TMEM135: variants seen among roughly 807,000 people sequenced by gnomAD.
The protein encoded by TMEM135 is transmembrane protein 135.
In TMEM135, 30 loss-of-function variants were observed where a neutral mutation model predicts 60.3. That is an observed-to-expected ratio of 0.50 (90% CI 0.37 to 0.68). The LOEUF (loss-of-function observed/expected upper bound fraction) is 0.68. Ranked by LOEUF, TMEM135 falls within the 30% of genes least tolerant of loss-of-function variation. The probability of loss-of-function intolerance (pLI) is 0.00; values close to 1 mark genes in which losing one functional copy is unlikely to be tolerated. For missense variants in TMEM135, 468 were observed against 548.8 expected (o/e 0.85, Z 1.47); for synonymous variants, 190 against 186.7 (o/e 1.02, Z -0.14).
Position 87,326,102 on chromosome 11 carries a change from A to C in TMEM135, c.*4769A>C. 2.2e-6 allele frequency: 1 copy of C among 447,668 alleles called. No homozygotes were observed. The highest frequency in any genetic ancestry group is 4.4e-6 in the Non-Finnish European group (1 of 224,956). The allele number at this position is 447,668 out of a possible 1,614,324, so 27.7% of individuals were successfully genotyped here. A position where few individuals can be genotyped will look rare whatever the true frequency, so the allele number is the denominator to read the frequency against. On this transcript the variant is annotated 3_prime_UTR_variant, in exon 15 of 15. Coordinates refer to ENST00000305494, the MANE Select transcript of TMEM135 (RefSeq NM_022918.4). Reference sequence around the variant, plus strand: ...TGCCTGTTCAGTTTTTTTTTTTTTTAATATTCAGTTTTGTGCCATACTCTC... The same window carrying C: ...TGCCTGTTCAGTTTTTTTTTTTTTTCATATTCAGTTTTGTGCCATACTCTC...
At chr11:87,240,369 T>C (rs1941103190) in intron 6 of TMEM135, among the ~76,000 whole-genome samples, 1 of 151,978 alleles carries the variant, frequency 6.6e-6, no homozygotes, top group Admixed American at 6.6e-5. Context: ...TTCTATCGAT[T>C]TTGGCCAAGC....
intron 5 of TMEM135, among the ~76,000 whole-genome samples, chr11:87,192,395 G>A (rs1170260314): frequency 6.6e-6 from 1 of 151,810 alleles, no homozygotes; most frequent in African/African-American, 2.4e-5. Flanking sequence ...TCAGAAGATT[G>A]TTTCTTTTTT....
intron 4 of TMEM135, among the ~76,000 whole-genome samples, chr11:87,131,751 G>C (rs185909357): frequency 1.3e-3 from 196 of 152,226 alleles, no homozygotes; most frequent in African/African-American, 4.5e-3. Flanking sequence ...CCTCATAGGG[G>C]AGGGGTCCCC....
chr11:87,302,220 A>G (rs565790919), intron 7 of TMEM135, 76 bp from the exon 8 acceptor site: 2 of 1,483,148 alleles, frequency 1.3e-6, no homozygotes, highest in African/African-American at 1.4e-5. Context: ...GTATTTGTTT[A>G]TAAACAAAGT....
chr11:87,206,402 G>C (rs1940234591), intron 5 of TMEM135, among the ~76,000 whole-genome samples: 2 of 152,082 alleles, frequency 1.3e-5, no homozygotes, highest in African/African-American at 4.8e-5. Context: ...GAAGGCAAAT[G>C]ATGGTACATG....
At chr11:87,202,446 C>G (rs902307334) in intron 5 of TMEM135, among the ~76,000 whole-genome samples, 2 of 152,156 alleles carry the variant, frequency 1.3e-5, no homozygotes, top group Non-Finnish European at 2.9e-5. Context: ...CCACCTCAGC[C>G]TCCTGAACAG....
intron 11 of TMEM135, 62 bp downstream of exon 11, chr11:87,313,550 A>ATGGT (rs1942677440): frequency 7.4e-6 from 10 of 1,356,228 alleles, no homozygotes; most frequent in Non-Finnish European, 1.1e-5. Context: ...AATGAATTGG[A>ATGGT]AATACCATCC....
At chr11:87,089,069 G>T (rs978546459) in intron 3 of TMEM135, among the ~76,000 whole-genome samples, 1 of 152,044 alleles carries the variant, frequency 6.6e-6, no homozygotes, top group Admixed American at 6.5e-5. Context: ...CCAAGTATAA[G>T]GTGTATATGA....
chr11:87,269,672 A>T (rs1008453742), intron 6 of TMEM135, among the ~76,000 whole-genome samples: 14 of 151,072 alleles, frequency 9.3e-5, no homozygotes, highest in African/African-American at 3.2e-4. Flanking sequence ...AAGGACATGA[A>T]CTCATCGTTT....
chr11:87,215,105 T>A (rs1299139100), intron 5 of TMEM135, among the ~76,000 whole-genome samples: 1 of 152,136 alleles, frequency 6.6e-6, no homozygotes, highest in Non-Finnish European at 1.5e-5. Context: ...TTTCTTTTTC[T>A]TATTTAGAAC....
intron 6 of TMEM135, among the ~76,000 whole-genome samples, chr11:87,239,602 A>G (rs779264817): frequency 4.6e-5 from 7 of 151,976 alleles, no homozygotes; most frequent in Admixed American, 2.0e-4. Flanking sequence ...TGTTCCCAGG[A>G]CTCCATTTAT....
intron 4 of TMEM135, among the ~76,000 whole-genome samples, chr11:87,149,220 C>T (rs1938490993): frequency 6.6e-6 from 1 of 152,164 alleles, no homozygotes; most frequent in Non-Finnish European, 1.5e-5. Context: ...CTGAATCTTT[C>T]TATTTTTCTA....
chr11:87,040,533 A>G (rs1217824035), intron 1 of TMEM135, among the ~76,000 whole-genome samples: 2 of 152,122 alleles, frequency 1.3e-5, no homozygotes, highest in African/African-American at 4.8e-5. Context: ...GTGGTGGCAC[A>G]TGCCTGTAAT....
At chr11:87,084,762 A>G (rs1469129389) in intron 3 of TMEM135, among the ~76,000 whole-genome samples, 4 of 152,254 alleles carry the variant, frequency 2.6e-5, no homozygotes, top group Admixed American at 2.6e-4. Flanking sequence ...TGGACTGCTT[A>G]TCTGCTGAGC....
intron 6 of TMEM135, among the ~76,000 whole-genome samples, chr11:87,250,691 G>A (rs1941396628): frequency 6.6e-6 from 1 of 151,970 alleles, no homozygotes. Flanking sequence ...CCAAATATAT[G>A]GTCTTAGGTT....
intron 4 of TMEM135, among the ~76,000 whole-genome samples, chr11:87,106,763 A>T (rs1857606703): frequency 6.6e-6 from 1 of 152,154 alleles, no homozygotes; most frequent in East Asian, 1.9e-4. Context: ...TTGCATTGCT[A>T]TAAAGAGATA....
intron 7 of TMEM135, among the ~76,000 whole-genome samples, chr11:87,298,024 AT>A (rs1332601364): frequency 2.0e-5 from 3 of 152,222 alleles, no homozygotes; most frequent in Non-Finnish European, 4.4e-5. Context: ...TTGTAAAAAA[AT>A]AATGTGAGTT....
intron 6 of TMEM135, among the ~76,000 whole-genome samples, chr11:87,249,297 T>C (rs1053994647): frequency 6.6e-6 from 1 of 152,176 alleles, no homozygotes; most frequent in African/African-American, 2.4e-5. Flanking sequence ...GTTTTTATCA[T>C]GAAAAGATGT....
chr11:87,244,393 T>C (rs1201979928), intron 6 of TMEM135, among the ~76,000 whole-genome samples: 3 of 77,494 alleles, frequency 3.9e-5, no homozygotes, highest in Non-Finnish European at 9.3e-5. Flanking sequence ...ATTCCCTCTT[T>C]TTCTATTTAT....
Sources: gnomAD v4.1 joint callset for allele counts (sites outside exome capture counted in the v4.1 genomes callset) on GRCh38, gnomAD v4.1.1 for gene constraint, MANE v1.5 for transcripts, NCBI Gene and HGNC (gene_info 2026-07-23, HGNC 2026-07-21) for gene names.